Variants in EML5 observed in about 807,000 individuals in gnomAD.
EML5 encodes the protein echinoderm microtubule-associated protein-like 5.
EML5 carries 120 observed loss-of-function variants against 250.0 expected under a neutral mutation model. The ratio of observed to expected loss-of-function variants is 0.48; its 90% confidence interval spans 0.41 to 0.56. EML5 has a LOEUF of 0.56. Ranked by LOEUF, EML5 falls within the 20% of genes least tolerant of loss-of-function variation. EML5 has a pLI of 0.00. For synonymous variants in EML5, 771 were observed against 806.5 expected (o/e 0.96, Z 0.75); for missense variants, 2,006 against 2,437.6 (o/e 0.82, Z 3.73).
At chr14:88,710,529 T>C (rs2093387771) in intron 10 of EML5, among the ~76,000 whole-genome samples, 1 of 152,200 alleles carries the variant, frequency 6.6e-6, no homozygotes, top group Non-Finnish European at 1.5e-5. Context: ...TACTGCCAAC[T>C]TCAAGGTATG....
intron 8 of EML5, among the ~76,000 whole-genome samples, chr14:88,724,058 C>G (rs1198151677): frequency 1.3e-5 from 2 of 150,752 alleles, no homozygotes; most frequent in African/African-American, 4.9e-5. Flanking sequence ...ATCACAGGGT[C>G]AGGAGATCAA....
At chr14:88,652,539 C>T (rs551476789) in intron 27 of EML5, among the ~76,000 whole-genome samples, 1 of 152,270 alleles carries the variant, frequency 6.6e-6, no homozygotes, top group African/African-American at 2.4e-5. Context: ...CAGCACTATC[C>T]TAAATGGCCA....
Position 88,766,476 on chromosome 14 carries a change from G to A in EML5, c.198-11805C>T, listed in dbSNP as rs184046746. On this transcript the variant is annotated intron_variant, in intron 1 of 43. Coordinates refer to ENST00000554922, the MANE Select transcript of EML5 (RefSeq NM_183387.3). ...ATGAAATAAGCCCCGGTCTCCCATAGCGCTCCCAGGCTTATTGGGACGAGG... is the reference window on the plus strand; with the variant it reads ...ATGAAATAAGCCCCGGTCTCCCATAACGCTCCCAGGCTTATTGGGACGAGG... 7.5e-4 allele frequency among the ~76,000 whole-genome samples: 114 copies of A among 152,228 alleles called. 1 individual carries two copies. In the East Asian group the frequency reaches 0.016, roughly 21 times the overall value.
chr14:88,723,722 T>A (rs1395093505), intron 8 of EML5, among the ~76,000 whole-genome samples: 2 of 152,172 alleles, frequency 1.3e-5, no homozygotes, highest in African/African-American at 4.8e-5. Context: ...TATATACAGT[T>A]TTTATTTGTC....
At chr14:88,682,147 A>C (rs1424621109) in intron 20 of EML5, 116 bp from the exon 21 acceptor site, 1 of 1,080,622 alleles carries the variant, frequency 9.3e-7, no homozygotes, top group African/African-American at 1.6e-5. Context: ...GATACCGAAT[A>C]GTGAGTAAAT....
chr14:88,632,311 C>T (rs2090482762), intron 33 of EML5, among the ~76,000 whole-genome samples: 1 of 152,168 alleles, frequency 6.6e-6, no homozygotes. Flanking sequence ...ATAACGGCCA[C>T]CTAATTTTCC....
chr14:88,774,210 C>T (rs1216786760), intron 1 of EML5, among the ~76,000 whole-genome samples: 2 of 152,164 alleles, frequency 1.3e-5, no homozygotes, highest in Non-Finnish European at 2.9e-5. Flanking sequence ...TTTGGTAGAT[C>T]TGGAATGAGC....
Position 88,704,956 on chromosome 14 carries a change from T to C in EML5, c.1955A>G (p.Gln652Arg), listed in dbSNP as rs757155268. The change falls in exon 13 of 44, where the codon CAG (glutamine) becomes CGG (arginine). Residue 652 changes from glutamine to arginine, a missense_variant. Around this residue, in one of 7 missense-constraint regions of EML5, gnomAD observed 1,375 missense variants for 1,590.3 expected, o/e 0.86. Coordinates refer to ENST00000554922, the MANE Select transcript of EML5 (RefSeq NM_183387.3). ...TTTCTCTTTGCACTGTTCTTTAAGC[T>C]GAGGTAGATCTTCTTTGTAAACCTT... ...RRQVYKEDLP[Q>R]LKEQCKEKQK... 1 of 1,612,174 alleles carries C rather than the reference T, an allele frequency of 6.2e-7. No individual in the cohort carries two copies. The highest frequency in any genetic ancestry group is 8.5e-7 in the Non-Finnish European group (1 of 1,178,940).
At chr14:88,627,182 A>G in intron 34 of EML5, 136 bp from the exon 35 acceptor site, 1 of 742,888 alleles carries the variant, frequency 1.3e-6, no homozygotes, top group Non-Finnish European at 2.2e-6. Context: ...TCTACTACCT[A>G]GCAATACATG....
chr14:88,701,332 AAT>A (rs2093204918), intron 14 of EML5, among the ~76,000 whole-genome samples: 3 of 152,138 alleles, frequency 2.0e-5, no homozygotes, highest in African/African-American at 7.2e-5. Context: ...CCGAAACATC[AAT>A]AGTGCTAAGG....
intron 7 of EML5, among the ~76,000 whole-genome samples, chr14:88,732,077 C>T (rs2140151695): frequency 6.6e-6 from 1 of 152,208 alleles, no homozygotes; most frequent in East Asian, 1.9e-4. Flanking sequence ...TAATTAGATC[C>T]CATTTGTCAA....
chr14:88,702,685 A>G, intron 13 of EML5, 53 bp from the exon 14 acceptor site: 1 of 1,232,600 alleles, frequency 8.1e-7, no homozygotes, highest in South Asian at 1.7e-5. Flanking sequence ...TATCTGATCA[A>G]TACAGAATAT....
intron 33 of EML5, among the ~76,000 whole-genome samples, chr14:88,630,697 C>G (rs1316590773): frequency 6.6e-6 from 1 of 152,150 alleles, no homozygotes; most frequent in African/African-American, 2.4e-5. Context: ...CAAAGTCAGG[C>G]TAAAATGACT....
intron 1 of EML5, among the ~76,000 whole-genome samples, chr14:88,762,888 T>C (rs1450448359): frequency 6.6e-6 from 1 of 152,142 alleles, no homozygotes; most frequent in Non-Finnish European, 1.5e-5. Flanking sequence ...ACACGGAAAC[T>C]GAACAACCTG....
intron 1 of EML5, among the ~76,000 whole-genome samples, chr14:88,763,888 T>C (rs2094284781): frequency 6.6e-6 from 1 of 152,240 alleles, no homozygotes; most frequent in African/African-American, 2.4e-5. Flanking sequence ...CAGATGCTTT[T>C]ATAGCCGGGT....
chr14:88,737,885 C>A (rs1871485149), intron 6 of EML5, among the ~76,000 whole-genome samples: 1 of 152,210 alleles, frequency 6.6e-6, no homozygotes, highest in East Asian at 1.9e-4. Flanking sequence ...GAATTGTATT[C>A]TTTTCCTTTT....
At chr14:88,720,086 AG>A (rs1445201939) in intron 8 of EML5, among the ~76,000 whole-genome samples, 1 of 152,224 alleles carries the variant, frequency 6.6e-6, no homozygotes, top group Admixed American at 6.5e-5. Flanking sequence ...AGACTGAACC[AG>A]GAAGAAGCTG....
chr14:88,719,633 T>C (rs981053526), intron 8 of EML5, among the ~76,000 whole-genome samples: 1 of 152,034 alleles, frequency 6.6e-6, no homozygotes. Flanking sequence ...TTTTCTACTT[T>C]AAAATATTTG....
intron 26 of EML5, 132 bp from the exon 27 acceptor site, chr14:88,657,634 C>G: frequency 1.2e-6 from 1 of 809,866 alleles, no homozygotes; most frequent in Non-Finnish European, 1.8e-6. Context: ...AAGTAATATA[C>G]AACCAGAAAA....
Sources: allele counts gnomAD v4.1 joint callset (sites outside exome capture counted in the v4.1 genomes callset), GRCh38; gene constraint gnomAD v4.1.1; regional missense constraint gnomAD v4.1.1; transcripts MANE v1.5; gene names NCBI Gene and HGNC (gene_info 2026-07-23, HGNC 2026-07-21).